NR2C2: variants seen among roughly 807,000 people sequenced by gnomAD.
The protein encoded by NR2C2 is Nuclear hormone receptor TR4.
NR2C2 carries 6 observed loss-of-function variants against 62.9 expected under a neutral mutation model. The observed-to-expected ratio is 0.10, with a 90% CI of 0.05 to 0.19. NR2C2 has a LOEUF of 0.19. NR2C2 is among the 10% of genes least tolerant of loss of function. The pLI, the probability that NR2C2 is intolerant of heterozygous loss-of-function variation, is 1.00. For synonymous variants in NR2C2, 272 were observed against 273.8 expected, an observed-to-expected ratio of 0.99 and a Z score of 0.07; for missense variants, 479 against 762.7, an observed-to-expected ratio of 0.63 and a Z score of 4.38.
intron 1 of NR2C2, chr3:14,962,290 C>G (rs1316108950): frequency 6.6e-6 from 1 of 152,620 alleles, no homozygotes; most frequent in Non-Finnish European, 1.5e-5. Context: ...CTAGGTCTGT[C>G]TGCTATAGAG....
intron 8 of NR2C2, among the ~76,000 whole-genome samples, chr3:15,029,301 AAC>A (rs1456109280): frequency 6.6e-6 from 1 of 152,142 alleles, no homozygotes; most frequent in African/African-American, 2.4e-5. Flanking sequence ...CCACCAGGGT[AAC>A]TAGAGTGATA....
At chr3:14,953,894 CAA>C (rs538255184) in intron 1 of NR2C2, among the ~76,000 whole-genome samples, 9 of 74,288 alleles carry the variant, frequency 1.2e-4, no homozygotes, top group Middle Eastern at 8.3e-3. Context: ...GACTTCATCT[CAA>C]AAAAAAAAAA....
chr3:15,037,190 TTG>T (rs979022266), intron 11 of NR2C2, among the ~76,000 whole-genome samples: 8 of 150,478 alleles, frequency 5.3e-5, no homozygotes, highest in Admixed American at 1.3e-4. Flanking sequence ...TTGTTTTTTG[TTG>T]TGTTATTGTT....
chr3:15,027,813 G>A (rs2041865179), intron 7 of NR2C2, among the ~76,000 whole-genome samples: 1 of 151,728 alleles, frequency 6.6e-6, no homozygotes, highest in African/African-American at 2.4e-5. Flanking sequence ...GCCCAGGCTT[G>A]TCTCAAACTC....
chr3:15,031,161 A>C (rs528599604), intron 9 of NR2C2, among the ~76,000 whole-genome samples: 2 of 152,172 alleles, frequency 1.3e-5, no homozygotes, highest in East Asian at 3.9e-4. Context: ...TAAAATCTAC[A>C]ACAAGCAGGC....
intron 1 of NR2C2, among the ~76,000 whole-genome samples, chr3:14,982,410 G>C (rs1267302890): frequency 2.0e-5 from 3 of 152,096 alleles, no homozygotes; most frequent in Non-Finnish European, 4.4e-5. Context: ...TTCAGAGTTG[G>C]AATTGCAAAT....
At chr3:14,986,029 A>C (rs1334782839) in intron 1 of NR2C2, among the ~76,000 whole-genome samples, 1 of 152,156 alleles carries the variant, frequency 6.6e-6, no homozygotes, top group Non-Finnish European at 1.5e-5. Flanking sequence ...TTAATTCAGC[A>C]GGTATGCATC....
At chr3:15,024,064 C>CTGTGCATAAAATG (rs2041752893) in intron 6 of NR2C2, 51 bp from the exon 7 acceptor site, 1 of 1,204,912 alleles carries the variant, frequency 8.3e-7, no homozygotes, top group African/African-American at 1.5e-5. Flanking sequence ...CATGATCATA[C>CTGTGCATAAAATG]TGTGCATAAA....
chr3:14,975,885 T>TA (rs2040189864), intron 1 of NR2C2, among the ~76,000 whole-genome samples: 1 of 152,146 alleles, frequency 6.6e-6, no homozygotes, highest in African/African-American at 2.4e-5. Context: ...TCTATCTTCT[T>TA]ACTGGTTATA....
chr3:14,990,443 A>G (rs2040637521), intron 1 of NR2C2, among the ~76,000 whole-genome samples: 1 of 152,190 alleles, frequency 6.6e-6, no homozygotes, highest in African/African-American at 2.4e-5. Flanking sequence ...GAACATGTCG[A>G]TTTTGCTTCC....
At position 15,045,971 on chromosome 3, in the gene NR2C2, G is replaced by C. The variant is rs2042434954; in HGVS notation, c.*2963G>C. The C allele has an allele frequency of 6.6e-6, 1 of 152,178 alleles. No individual in the cohort carries two copies. Among genetic ancestry groups the C allele is most frequent in the South Asian group, 2.1e-4 (1 of 4,836 alleles). The allele number at this position is 152,178 out of a possible 1,614,324, so 9.4% of individuals were successfully genotyped here. A position where few individuals can be genotyped will look rare whatever the true frequency, so the allele number is the denominator to read the frequency against. ...AGATAATGTTGGGTTAAGACAGATA[G>C]ATGTTGAAAATGGTGGAGATCATTA... On this transcript the variant is annotated 3_prime_UTR_variant, in exon 14 of 14. Transcript: ENST00000425241.
chr3:15,032,828 C>T (rs1045738413), intron 10 of NR2C2, among the ~76,000 whole-genome samples: 4 of 152,252 alleles, frequency 2.6e-5, no homozygotes, highest in Admixed American at 1.3e-4. Context: ...GAAGCCAGGC[C>T]GGGAACTGTG....
At chr3:14,959,278 T>C (rs2039622694) in intron 1 of NR2C2, 1 of 152,240 alleles carries the variant, frequency 6.6e-6, no homozygotes, top group Admixed American at 6.5e-5. Context: ...CTTCCTTACA[T>C]TACTTGAAGA....
At chr3:14,997,525 G>A (rs1000289674) in intron 1 of NR2C2, among the ~76,000 whole-genome samples, 4 of 152,164 alleles carry the variant, frequency 2.6e-5, no homozygotes, top group African/African-American at 7.2e-5. Flanking sequence ...AACAGAGCTA[G>A]CAGTTATGTG....
intron 1 of NR2C2, among the ~76,000 whole-genome samples, chr3:14,973,315 TC>T (rs921577858): frequency 6.6e-6 from 1 of 152,090 alleles, no homozygotes; most frequent in African/African-American, 2.4e-5. Context: ...AGCATAGACT[TC>T]CTGGGCTCAA....
intron 1 of NR2C2, among the ~76,000 whole-genome samples, chr3:14,952,010 T>C (rs1360240948): frequency 2.0e-5 from 3 of 152,246 alleles, no homozygotes; most frequent in Non-Finnish European, 2.9e-5. Flanking sequence ...CCTCCCAAAG[T>C]GCTGGGATTA....
chr3:14,979,109 TC>T (rs1330909548), intron 1 of NR2C2, among the ~76,000 whole-genome samples: 2 of 152,248 alleles, frequency 1.3e-5, no homozygotes, highest in African/African-American at 2.4e-5. Flanking sequence ...CAAAAGTATG[TC>T]AGCATCTGTG....
intron 1 of NR2C2, among the ~76,000 whole-genome samples, chr3:14,968,913 C>T (rs1308729987): frequency 6.8e-6 from 1 of 147,564 alleles, no homozygotes; most frequent in Admixed American, 6.8e-5. Flanking sequence ...CATATTCTCA[C>T]TCATAGGTGG....
chr3:15,017,173 C>T (rs2041534456), intron 4 of NR2C2, among the ~76,000 whole-genome samples: 1 of 152,152 alleles, frequency 6.6e-6, no homozygotes, highest in Non-Finnish European at 1.5e-5. Flanking sequence ...CAGCCCCAAG[C>T]AAGCATCTAC....
Sources: gnomAD v4.1 joint callset for allele counts (sites outside exome capture counted in the v4.1 genomes callset) on GRCh38, gnomAD v4.1.1 for gene constraint, MANE v1.5 for transcripts, NCBI Gene and HGNC (gene_info 2026-07-23, HGNC 2026-07-21) for gene names.